ABI2: variants seen among roughly 807,000 people sequenced by gnomAD.
ABI2 encodes abl interactor 2.
Under a neutral mutation model 59.2 loss-of-function variants are expected in ABI2, and 25 were observed. That is an observed-to-expected ratio of 0.42 (90% CI 0.31 to 0.59). ABI2 has a LOEUF of 0.59. Among genes scored for constraint, ABI2 ranks in the 20% least tolerant of loss-of-function variants. The pLI is 0.14. For missense variants in ABI2, 545 were observed against 681.8 expected (o/e 0.80, Z 2.23); for synonymous variants, 213 against 235.5 (o/e 0.90, Z 0.87).
intron 8 of ABI2, among the ~76,000 whole-genome samples, chr2:203,397,888 A>C (rs1003164577): frequency 6.6e-6 from 1 of 152,164 alleles, no homozygotes; most frequent in African/African-American, 2.4e-5. Flanking sequence ...TTATTGCAAG[A>C]ACAGCTCCAA....
intron 1 of ABI2, among the ~76,000 whole-genome samples, chr2:203,336,508 A>T (rs1053165444): frequency 1.3e-5 from 2 of 152,208 alleles, no homozygotes; most frequent in Non-Finnish European, 2.9e-5. Flanking sequence ...AGGAGGCTGT[A>T]CGTGATAACA....
intron 11 of ABI2, among the ~76,000 whole-genome samples, chr2:203,419,140 G>A (rs373939468): frequency 1.0e-4 from 13 of 129,806 alleles, no homozygotes; most frequent in East Asian, 6.6e-4. Flanking sequence ...ACGGAGTTTC[G>A]CTCTTGTTGC....
intron 2 of ABI2, among the ~76,000 whole-genome samples, chr2:203,377,687 C>A (rs906748294): frequency 6.6e-6 from 1 of 152,196 alleles, no homozygotes; most frequent in Non-Finnish European, 1.5e-5. Flanking sequence ...GGGTGGATCA[C>A]TTGAGCTTAG....
At chr2:203,355,527 CA>C (rs1418896843) in intron 1 of ABI2, among the ~76,000 whole-genome samples, 2 of 149,950 alleles carry the variant, frequency 1.3e-5, no homozygotes, top group African/African-American at 2.5e-5. Context: ...AAGAAAACAA[CA>C]AAAAACAAAA....
rs188494324 is a variant in ABI2 at position 203,410,532 on chromosome 2, A to G, written c.1193-753A>G. ...GCACTGTGCCAGGTGATTGAGGTGCAGGGAAATACACCTTGGGAAGGAGAG... is the reference window on the plus strand; with the variant it reads ...GCACTGTGCCAGGTGATTGAGGTGCGGGGAAATACACCTTGGGAAGGAGAG... On this transcript the variant is annotated intron_variant, in intron 9 of 11. Transcript: ENST00000261018. Among the ~76,000 whole-genome samples the G allele has an allele frequency of 1.4e-4, 22 of 152,322 alleles. No homozygotes were observed. In the East Asian group the frequency reaches 3.3e-3, roughly 23 times the overall value.
chr2:203,391,891 T>G (rs1396693196), intron 5 of ABI2, among the ~76,000 whole-genome samples: 1 of 152,104 alleles, frequency 6.6e-6, no homozygotes, highest in East Asian at 1.9e-4. Flanking sequence ...GATTTGACTT[T>G]TGGCAAAAAT....
chr2:203,398,721 C>G (rs1470967400), intron 8 of ABI2, among the ~76,000 whole-genome samples: 1 of 152,180 alleles, frequency 6.6e-6, no homozygotes, highest in Non-Finnish European at 1.5e-5. Context: ...TTCCCTTCCA[C>G]TCCCAGCTCC....
At chr2:203,360,046 G>C (rs567594855) in intron 1 of ABI2, among the ~76,000 whole-genome samples, 1 of 151,778 alleles carries the variant, frequency 6.6e-6, no homozygotes, top group African/African-American at 2.4e-5. Context: ...TTAGCTGGGC[G>C]TGGTGGTGCA....
intron 9 of ABI2, among the ~76,000 whole-genome samples, chr2:203,410,483 C>T (rs1178192526): frequency 6.6e-6 from 1 of 152,092 alleles, no homozygotes; most frequent in Non-Finnish European, 1.5e-5. Context: ...TGTTAAACAT[C>T]TGTTGACAGT....
At chr2:203,396,740 GTGATTGCCTCA>G in intron 7 of ABI2, 34 bp from the exon 8 acceptor site, 1 of 1,474,446 alleles carries the variant, frequency 6.8e-7, no homozygotes, top group Non-Finnish European at 9.0e-7. Flanking sequence ...CCTGCCTCAT[GTGATTGCCTCA>G]TTAATGCTGC....
rs1213304891 is a variant in ABI2, at chr2:203,428,567, T to C, written c.*1215T>C. 1 of 152,604 alleles carries C rather than the reference T, an allele frequency of 6.6e-6. No homozygotes were observed. Among genetic ancestry groups the C allele is most frequent in the Non-Finnish European group, 1.5e-5 (1 of 68,036 alleles). The allele number at this position is 152,604 out of a possible 1,614,324, so 9.5% of individuals were successfully genotyped here. On this transcript the variant is annotated 3_prime_UTR_variant, in exon 12 of 12. Transcript: ENST00000261018. ...TGAATAAGATTAATAGGCCAAAATATGTATCTAATCACATTGATAAAAATT... is the reference window on the plus strand; with the variant it reads ...TGAATAAGATTAATAGGCCAAAATACGTATCTAATCACATTGATAAAAATT...
At chr2:203,364,378 G>A (rs769276603) in intron 1 of ABI2, among the ~76,000 whole-genome samples, 10 of 152,082 alleles carry the variant, frequency 6.6e-5, no homozygotes, top group Non-Finnish European at 1.2e-4. Flanking sequence ...ACAGGCGTGA[G>A]CCACTGTGGC....
intron 10 of ABI2, among the ~76,000 whole-genome samples, chr2:203,416,292 TA>T (rs1210471030): frequency 6.6e-6 from 1 of 152,080 alleles, no homozygotes; most frequent in South Asian, 2.1e-4. Flanking sequence ...TTTTATTGTT[TA>T]TTTTTTTTTT....
intron 9 of ABI2, among the ~76,000 whole-genome samples, chr2:203,404,413 G>A (rs2097344787): frequency 6.6e-6 from 1 of 152,054 alleles, no homozygotes; most frequent in South Asian, 2.1e-4. Flanking sequence ...AGTGTTTTTG[G>A]CTATGCCATT....
intron 1 of ABI2, among the ~76,000 whole-genome samples, chr2:203,334,001 C>T (rs555340623): frequency 6.4e-4 from 95 of 148,664 alleles, no homozygotes; most frequent in African/African-American, 2.0e-3. Context: ...AGTGCAGTGG[C>T]GTGATCTTCG....
intron 8 of ABI2, among the ~76,000 whole-genome samples, chr2:203,402,133 C>G (rs1007058617): frequency 1.3e-5 from 2 of 152,126 alleles, no homozygotes; most frequent in African/African-American, 4.8e-5. Context: ...CTCCTGAGTT[C>G]AAGTGATTCT....
chr2:203,346,390 A>G (rs1483299081), intron 1 of ABI2, among the ~76,000 whole-genome samples: 1 of 152,198 alleles, frequency 6.6e-6, no homozygotes, highest in East Asian at 1.9e-4. Context: ...CAGCTTGGGA[A>G]TATATGGGAC....
At chr2:203,353,652 C>T (rs1376069020) in intron 1 of ABI2, among the ~76,000 whole-genome samples, 2 of 152,038 alleles carry the variant, frequency 1.3e-5, no homozygotes, top group South Asian at 2.1e-4. Flanking sequence ...GCTGGTGGCT[C>T]ATTCCTGTAA....
chr2:203,388,574 G>A (rs774043952), intron 4 of ABI2, among the ~76,000 whole-genome samples: 7 of 152,096 alleles, frequency 4.6e-5, no homozygotes, highest in Admixed American at 4.6e-4. Flanking sequence ...CCAGCTACTC[G>A]GGAGGCTGAG....
Sources: gnomAD v4.1 joint callset for allele counts (sites outside exome capture counted in the v4.1 genomes callset) on GRCh38, gnomAD v4.1.1 for gene constraint, MANE v1.5 for transcripts, NCBI Gene and HGNC (gene_info 2026-07-23, HGNC 2026-07-21) for gene names.